GCNT4: variants seen among roughly 807,000 people sequenced by gnomAD.
GCNT4 encodes the protein beta-1,3-galactosyl-O-glycosyl-glycoprotein beta-1,6-N-acetylglucosaminyltransferase 4.
A neutral mutation model predicts 31.3 loss-of-function variants in GCNT4; 17 were observed. That is an observed-to-expected ratio of 0.54 (90% CI 0.37 to 0.81). The LOEUF is 0.81. GCNT4 is among the 40% of genes least tolerant of loss of function. The pLI is 0.00. For missense variants in GCNT4, 503 were observed against 525.5 expected, an observed-to-expected ratio of 0.96 and a Z score of 0.42; for synonymous variants, 158 against 190.6, an observed-to-expected ratio of 0.83 and a Z score of 1.41.
intron 2 of GCNT4, among the ~76,000 whole-genome samples, chr5:75,049,963 T>C (rs146719522): frequency 3.3e-5 from 5 of 152,368 alleles, no homozygotes; most frequent in Non-Finnish European, 5.9e-5. Flanking sequence ...TGTGCTTGCA[T>C]AATGCACACA....
At chr5:75,047,171 A>T (rs1743460631) in intron 3 of GCNT4, among the ~76,000 whole-genome samples, 1 of 152,124 alleles carries the variant, frequency 6.6e-6, no homozygotes, top group Admixed American at 6.5e-5. Context: ...CTGTCACATA[A>T]AACTTATATT....
At chr5:75,046,889 G>C (rs1245891677) in intron 3 of GCNT4, among the ~76,000 whole-genome samples, 1 of 152,218 alleles carries the variant, frequency 6.6e-6, no homozygotes, top group African/African-American at 2.4e-5. Context: ...TTTCTTAGAT[G>C]CAGGAGATGA....
At chr5:75,031,897 T>G (rs1743071826) in intron 3 of GCNT4, among the ~76,000 whole-genome samples, 1 of 152,182 alleles carries the variant, frequency 6.6e-6, no homozygotes, top group African/African-American at 2.4e-5. Context: ...TGGTGGGGTC[T>G]GAGCACCCCT....
chr5:75,053,937 A>T (rs1743650617), upstream of GCNT4, among the ~76,000 whole-genome samples: 1 of 152,112 alleles, frequency 6.6e-6, no homozygotes, highest in South Asian at 2.1e-4. Flanking sequence ...GGCAGTGACG[A>T]AGCAAACTCA....
chr5:75,018,306 G>C, the GCNT4 span, among the ~76,000 whole-genome samples: 2 of 152,032 alleles, frequency 1.3e-5, no homozygotes, highest in Non-Finnish European at 2.9e-5. Flanking sequence ...TTTTGAGATG[G>C]AGTCTCACTC....
At chr5:75,038,810 G>C (rs1002999581) in intron 3 of GCNT4, among the ~76,000 whole-genome samples, 1 of 152,110 alleles carries the variant, frequency 6.6e-6, no homozygotes, top group Non-Finnish European at 1.5e-5. Flanking sequence ...TGAATTTTGG[G>C]GAACACATTC....
Position 75,029,165 on chromosome 5 carries a change from T to C in GCNT4, c.873A>G (p.Ala291=), listed in dbSNP as rs1407377955. ...LPIRTNISKE[A]PPHNIQIFVG... is the part of the protein sequence containing the mutation. Reference sequence around the variant, plus strand: ...CAAATATCTGAATGTTATGGGGGGGTGCTTCCTTGGAGATGTTTGTCCTTA... The same window carrying C: ...CAAATATCTGAATGTTATGGGGGGGCGCTTCCTTGGAGATGTTTGTCCTTA... The change falls in exon 4 of 4, where the codon GCA becomes GCG. Residue 291 remains alanine (A), a synonymous_variant. Coordinates refer to ENST00000652361, the MANE Select transcript of GCNT4 (RefSeq NM_001366737.1). The C allele has an allele frequency of 6.2e-7, 1 of 1,613,612 alleles. No individual in the cohort carries two copies. Among genetic ancestry groups the C allele is most frequent in the Non-Finnish European group, 8.5e-7 (1 of 1,179,980 alleles).
intron 3 of GCNT4, among the ~76,000 whole-genome samples, chr5:75,032,877 GTGTGTGTGTGTGTGTGTGTGT>G (rs1743100038): frequency 6.5e-5 from 5 of 76,606 alleles, no homozygotes; most frequent in Middle Eastern, 0.012. Context: ...ATAGGGGTGT[GTGTGTGTGTGTGTGTGTGTGT>G]GTGTGTGTGT....
chr5:75,016,991 T>A, the GCNT4 span, among the ~76,000 whole-genome samples: 1 of 152,166 alleles, frequency 6.6e-6, no homozygotes. Flanking sequence ...GAAGGAGAGA[T>A]GAGACATGAG....
chr5:75,026,359 C>T lies in GCNT4; in HGVS notation c.*2317G>A, dbSNP rs1742943596. ...ATGGTGGGAAAAGTATTTGTAGCCC[C>T]ATTCTCAATGTGTCACTGTACCAAC... On this transcript the variant is annotated 3_prime_UTR_variant, in exon 4 of 4. Coordinates refer to ENST00000652361, the MANE Select transcript of GCNT4 (RefSeq NM_001366737.1). 6.6e-6 allele frequency: 1 copy of T among 152,060 alleles called. No individual in the cohort carries two copies. Among genetic ancestry groups the T allele is most frequent in the African/African-American group, 2.4e-5 (1 of 41,412 alleles). The allele number at this position is 152,060 out of a possible 1,614,324, so 9.4% of individuals were successfully genotyped here.
intron 3 of GCNT4, among the ~76,000 whole-genome samples, chr5:75,032,729 T>G (rs542597356): frequency 1.5e-4 from 23 of 152,304 alleles, no homozygotes; most frequent in Non-Finnish European, 2.9e-4. Flanking sequence ...CCAGGGTTCT[T>G]GCCAGTTGTT....
upstream of GCNT4, among the ~76,000 whole-genome samples, chr5:75,053,430 G>T (rs1294531713): frequency 1.3e-5 from 2 of 152,078 alleles, no homozygotes; most frequent in Admixed American, 6.5e-5. Context: ...GGGTCGGGGC[G>T]TCCCGGCGGA....
At chr5:75,035,048 T>C (rs1743164714) in intron 3 of GCNT4, among the ~76,000 whole-genome samples, 1 of 75,918 alleles carries the variant, frequency 1.3e-5, no homozygotes, top group African/African-American at 7.1e-5. Flanking sequence ...ACACCCCAGC[T>C]AAGCGGACAC....
chr5:75,047,180 T>A (rs1743460976), intron 3 of GCNT4, among the ~76,000 whole-genome samples: 1 of 152,220 alleles, frequency 6.6e-6, no homozygotes, highest in African/African-American at 2.4e-5. Flanking sequence ...AAAACTTATA[T>A]TAAATAAATT....
Position 75,029,478 on chromosome 5 carries a change from A to C in GCNT4, c.560T>G (p.Phe187Cys). 1 of 1,614,104 alleles carries C rather than the reference A, an allele frequency of 6.2e-7. No individual in the cohort carries two copies. Among genetic ancestry groups the C allele is most frequent in the Non-Finnish European group, 8.5e-7 (1 of 1,180,012 alleles). ...CACAGCCTCTAATTTGGAAGCAATG[A>C]AAATATTGGAGAAGCACTTAGCTAA... The part of the protein sequence containing the change: ...NNLAKCFSNI[F>C]IASKLEAVEY... The change falls in exon 4 of 4, where the codon TTC (phenylalanine) becomes TGC (cysteine). Residue 187 changes from phenylalanine to cysteine, a missense_variant. Transcript: ENST00000652361.
Position 75,034,032 on chromosome 5 carries a change from C to A in GCNT4, c.-1-3994G>T, listed in dbSNP as rs1406968280. ...GACATGAACTCATTCTTTTTTATGG[C>A]CGCACAGAAATACCTTTAACTGAAA... is the stretch of plus-strand genomic sequence containing the variant. On this transcript the variant is annotated intron_variant, in intron 3 of 3. Transcript: ENST00000652361. Among the ~76,000 whole-genome samples, 3 of 152,210 alleles carry A rather than the reference C, an allele frequency of 2.0e-5. No homozygotes were observed. In the East Asian group the frequency reaches 5.8e-4, roughly 29 times the overall value.
downstream of GCNT4, among the ~76,000 whole-genome samples, chr5:75,021,503 G>A (rs1436322945): frequency 6.6e-6 from 1 of 152,184 alleles, no homozygotes; most frequent in Admixed American, 6.5e-5. Flanking sequence ...AAGATTCTGG[G>A]ATGGAAGAAG....
At chr5:75,032,532 A>G (rs1262277339) in intron 3 of GCNT4, among the ~76,000 whole-genome samples, 1 of 152,186 alleles carries the variant, frequency 6.6e-6, no homozygotes, top group African/African-American at 2.4e-5. Context: ...CTATCACCTC[A>G]TAAATGTGCC....
intron 3 of GCNT4, among the ~76,000 whole-genome samples, chr5:75,032,646 G>A (rs1275204567): frequency 1.3e-5 from 2 of 152,124 alleles, no homozygotes; most frequent in Non-Finnish European, 2.9e-5. Flanking sequence ...CATAGCCCAG[G>A]GTCTGTTGAC....
Sources: gnomAD v4.1 joint callset for allele counts (sites outside exome capture counted in the v4.1 genomes callset) on GRCh38, gnomAD v4.1.1 for gene constraint, MANE v1.5 for transcripts, NCBI Gene and HGNC (gene_info 2026-07-23, HGNC 2026-07-21) for gene names.